The following CFAP300 variants were observed in gnomAD, a reference collection of about 807,000 sequenced individuals.
CFAP300 encodes cilia and flagella associated protein 300, also known as cilia- and flagella-associated protein 300.
A neutral mutation model predicts 33.0 loss-of-function variants in CFAP300; 32 were observed. That is an observed-to-expected ratio of 0.97 (90% CI 0.73 to 1.30). CFAP300 has a LOEUF of 1.30. CFAP300 is among the 50% of genes most tolerant of loss of function. The probability of loss-of-function intolerance (pLI) is 0.00; values close to 1 mark genes in which losing one functional copy is unlikely to be tolerated. For synonymous variants in CFAP300, 102 were observed against 106.8 expected (o/e 0.95, Z 0.28); for missense variants, 356 against 318.1 (o/e 1.12, Z -0.90).
intron 4 of CFAP300, among the ~76,000 whole-genome samples, chr11:102,070,872 T>C (rs111432740): frequency 0.012 from 1,852 of 152,328 alleles, 42 homozygotes; most frequent in African/African-American, 0.042. Context: ...TCTTTTGTTA[T>C]TGATTTCTAG....
intron 6 of CFAP300, among the ~76,000 whole-genome samples, chr11:102,082,006 C>T (rs1291029922): frequency 6.6e-6 from 1 of 151,844 alleles, no homozygotes; most frequent in African/African-American, 2.4e-5. Flanking sequence ...TAAGTATCTT[C>T]ATTCAATCAC....
intron 6 of CFAP300, among the ~76,000 whole-genome samples, chr11:102,082,247 A>T (rs1251637473): frequency 6.6e-6 from 1 of 151,838 alleles, no homozygotes; most frequent in Admixed American, 6.6e-5. Flanking sequence ...GTGGTGGGAG[A>T]CGCCTGTAAT....
rs984790054 is a variant in CFAP300 at position 102,059,083 on chromosome 11, A to C, written c.268+128A>C. On this transcript the variant is annotated intron_variant, in intron 3 of 6. Coordinates refer to ENST00000434758, the MANE Select transcript of CFAP300 (RefSeq NM_032930.3). ...GTTTGATACATCAAGATCAAATATG[A>C]CCAGCTGTGCCAGACCTGCCCTGCA... The C allele has an allele frequency of 5.2e-6, 3 of 571,830 alleles. No homozygotes were observed. In the Admixed American group the frequency reaches 1.1e-4, roughly 21 times the overall value. 35.4% of individuals were successfully genotyped at this position (571,830 alleles called of 1,614,324 possible).
At chr11:102,048,808 G>GTTT (rs137989907) in intron 2 of CFAP300, among the ~76,000 whole-genome samples, 2 of 149,080 alleles carry the variant, frequency 1.3e-5, no homozygotes, top group Non-Finnish European at 3.0e-5. Context: ...TTTCAATCCT[G>GTTT]TTTTTTTTTT....
chr11:102,074,348 G>T (rs1942365890), intron 4 of CFAP300, among the ~76,000 whole-genome samples: 1 of 152,208 alleles, frequency 6.6e-6, no homozygotes, highest in Non-Finnish European at 1.5e-5. Flanking sequence ...AGGATTGCAG[G>T]AGTCCACAGT....
chr11:102,083,254 A>T lies in CFAP300; in HGVS notation c.*55A>T. On this transcript the variant is annotated 3_prime_UTR_variant, in exon 7 of 7. Transcript: ENST00000434758. ...TTTGTATTTATCATTTTTCTATCTT[A>T]ATACTAACTTATAGATAAACATATA... The T allele has an allele frequency of 8.0e-7, 1 of 1,255,360 alleles. No individual in the cohort carries two copies. 77.8% of individuals were successfully genotyped at this position (1,255,360 alleles called of 1,614,324 possible). A position where few individuals can be genotyped will look rare whatever the true frequency, so the allele number is the denominator to read the frequency against.
intron 4 of CFAP300, 64 bp from the exon 5 acceptor site, chr11:102,075,809 A>C: frequency 7.7e-7 from 1 of 1,304,012 alleles, no homozygotes; most frequent in East Asian, 2.3e-5. Flanking sequence ...ATAAAATGAA[A>C]CCTTTGAAAA....
chr11:102,055,361 C>CTTTTTTCTTTTT (rs1942036442), intron 2 of CFAP300, among the ~76,000 whole-genome samples: 1 of 113,518 alleles, frequency 8.8e-6, no homozygotes, highest in African/African-American at 3.7e-5. Flanking sequence ...ATGCGTTACT[C>CTTTTTTCTTTTT]TTTTTTTTTT....
chr11:102,080,406 G>T (rs1039046124), intron 5 of CFAP300, among the ~76,000 whole-genome samples: 2 of 151,808 alleles, frequency 1.3e-5, no homozygotes, highest in Admixed American at 1.3e-4. Flanking sequence ...GGGGTTTTTT[G>T]GGATTTGTTT....
intron 3 of CFAP300, among the ~76,000 whole-genome samples, chr11:102,062,169 A>T (rs1942157700): frequency 6.6e-6 from 1 of 152,224 alleles, no homozygotes; most frequent in South Asian, 2.1e-4. Context: ...TCTGCAAGCC[A>T]AGAAGAGTGC....
chr11:102,074,761 G>A (rs1942372021), intron 4 of CFAP300, among the ~76,000 whole-genome samples: 1 of 149,700 alleles, frequency 6.7e-6, no homozygotes, highest in South Asian at 2.1e-4. Flanking sequence ...GTGCAGTGGT[G>A]CAGTCACAGT....
In CFAP300 at chr11:102,075,924, A is replaced by T. The variant is rs777707051; in HGVS notation, c.487A>T (p.Arg163Ter). ...ATATGAAATATTCAGCCAACCAGAT[A>T]GAGAAGAGTTCCTGTTTTGTCTTTT... is the stretch of plus-strand genomic sequence containing the variant. Reference protein sequence around the residue: ...EKYEIFSQPDREEFLFCLFKH... With the variant: ...EKYEIFSQPD Residue 163 changes from arginine (R) to a stop codon, truncating the protein, a stop_gained, in exon 5 of 7, where the codon AGA becomes TGA. Coordinates refer to ENST00000434758, the MANE Select transcript of CFAP300 (RefSeq NM_032930.3). LOFTEE classifies it high-confidence loss of function. The T allele has an allele frequency of 4.3e-6, 7 of 1,613,674 alleles. No individual in the cohort carries two copies. In the African/African-American group the frequency reaches 9.3e-5, roughly 22 times the overall value.
At chr11:102,066,206 C>T (rs1282379634) in intron 3 of CFAP300, among the ~76,000 whole-genome samples, 1 of 152,100 alleles carries the variant, frequency 6.6e-6, no homozygotes, top group African/African-American at 2.4e-5. Flanking sequence ...AACTCCTGAC[C>T]TCAAGTGATC....
At chr11:102,067,861 T>A (rs1473936320) in intron 4 of CFAP300, among the ~76,000 whole-genome samples, 3 of 152,096 alleles carry the variant, frequency 2.0e-5, no homozygotes, top group Admixed American at 6.5e-5. Context: ...GAGCTATGAT[T>A]GTGCCACTGC....
Position 102,047,455 on chromosome 11 carries a change from C to T in CFAP300, c.-16C>T, listed in dbSNP as rs1416585907. 4 of 1,533,328 alleles carry T rather than the reference C, an allele frequency of 2.6e-6. No individual in the cohort carries two copies. The highest frequency in any genetic ancestry group is 3.9e-5 in the Admixed American group (2 of 51,006). The allele number at this position is 1,533,328 out of a possible 1,614,324, so 95.0% of individuals were successfully genotyped here. A position where few individuals can be genotyped will look rare whatever the true frequency, so the allele number is the denominator to read the frequency against. On this transcript the variant is annotated 5_prime_UTR_variant, in exon 1 of 7. Coordinates refer to ENST00000434758, the MANE Select transcript of CFAP300 (RefSeq NM_032930.3). ...TCCATGGAAACGGCCCAGGCATCCA[C>T]CCAGCCGAGAGCACGATGGCTACTG...
chr11:102,066,756 AC>A, intron 4 of CFAP300, 105 bp downstream of exon 4: 1 of 902,164 alleles, frequency 1.1e-6, no homozygotes, highest in Non-Finnish European at 1.7e-6. Flanking sequence ...GTCATAAAAT[AC>A]CACCTATTTA....
At chr11:102,052,067 T>A (rs1283369048) in intron 2 of CFAP300, among the ~76,000 whole-genome samples, 6 of 152,368 alleles carry the variant, frequency 3.9e-5, no homozygotes, top group South Asian at 2.1e-4. Flanking sequence ...GGACATTTTT[T>A]AAAAATTCAC....
intron 2 of CFAP300, among the ~76,000 whole-genome samples, chr11:102,055,918 C>G (rs1286984929): frequency 6.6e-6 from 1 of 152,142 alleles, no homozygotes; most frequent in East Asian, 1.9e-4. Context: ...ATCCGCCCGC[C>G]TCGGCCTCCC....
chr11:102,049,261 G>A (rs1331411238), intron 2 of CFAP300, among the ~76,000 whole-genome samples: 5 of 152,230 alleles, frequency 3.3e-5, no homozygotes, highest in South Asian at 4.2e-4. Flanking sequence ...CTCCCTTGGC[G>A]TCCTTTAGTT....
Sources: gnomAD v4.1 joint callset for allele counts (sites outside exome capture counted in the v4.1 genomes callset) on GRCh38, gnomAD v4.1.1 for gene constraint, MANE v1.5 for transcripts, NCBI Gene and HGNC (gene_info 2026-07-23, HGNC 2026-07-21) for gene names.